Variants in C2orf76 observed in about 807,000 individuals in gnomAD.
C2orf76 encodes chromosome 2 open reading frame 76.
In C2orf76, 23 loss-of-function variants were observed where a neutral mutation model predicts 16.9. The observed-to-expected ratio is 1.36, with a 90% CI of 0.98 to 1.93. The LOEUF is 1.93. Ranked by LOEUF, C2orf76 falls within the 30% of genes most tolerant of loss-of-function variation. The pLI is 0.00. For missense variants in C2orf76, 152 were observed against 152.6 expected (o/e 1.00, Z 0.02); for synonymous variants, 48 against 52.3 (o/e 0.92, Z 0.35).
At chr2:119,288,250 G>A in the C2orf76 span, among the ~76,000 whole-genome samples, 286 of 149,706 alleles carry the variant, frequency 1.9e-3, 1 homozygote, top group Non-Finnish European at 2.8e-3. Flanking sequence ...TCCGCCTTCC[G>A]GGTTCCCGCC....
the C2orf76 span, among the ~76,000 whole-genome samples, chr2:119,289,207 G>A: frequency 1.3e-5 from 2 of 152,052 alleles, no homozygotes; most frequent in Non-Finnish European, 2.9e-5. Flanking sequence ...CCTTAAGGCT[G>A]CAGAATGTGC....
intron 2 of C2orf76, among the ~76,000 whole-genome samples, chr2:119,332,283 G>A (rs1287503446): frequency 6.7e-6 from 1 of 149,670 alleles, no homozygotes. Context: ...ACACCTAAAG[G>A]AAAAAAAAAA....
At chr2:119,289,642 T>C in the C2orf76 span, among the ~76,000 whole-genome samples, 5 of 150,292 alleles carry the variant, frequency 3.3e-5, no homozygotes, top group Admixed American at 2.7e-4. Context: ...GCCGAGATCG[T>C]ACCACTGCAC....
At chr2:119,309,032 G>A (rs1032605070) in intron 5 of C2orf76, among the ~76,000 whole-genome samples, 1 of 152,132 alleles carries the variant, frequency 6.6e-6, no homozygotes, top group Admixed American at 6.5e-5. Flanking sequence ...ACAGAATCAG[G>A]TTTTGGACCC....
chr2:119,348,547 G>A (rs963613563), intron 1 of C2orf76, among the ~76,000 whole-genome samples: 4 of 152,038 alleles, frequency 2.6e-5, no homozygotes, highest in Non-Finnish European at 4.4e-5. Flanking sequence ...TTAGCCAGGC[G>A]TGGTGGTGCG....
At chr2:119,363,341 G>A (rs952267003) in intron 1 of C2orf76, among the ~76,000 whole-genome samples, 21 of 151,036 alleles carry the variant, frequency 1.4e-4, no homozygotes, top group East Asian at 7.8e-4. Context: ...GGAGAATGGC[G>A]TGAACCCGGG....
At chr2:119,281,371 G>T in the C2orf76 span, among the ~76,000 whole-genome samples, 1 of 152,062 alleles carries the variant, frequency 6.6e-6, no homozygotes, top group East Asian at 1.9e-4. Flanking sequence ...GAGGATATGT[G>T]GTATTTGGTT....
At chr2:119,350,678 C>T (rs995882059) in intron 1 of C2orf76, among the ~76,000 whole-genome samples, 2 of 152,120 alleles carry the variant, frequency 1.3e-5, no homozygotes. Context: ...GCTTTGAGAC[C>T]CCATAGATGA....
the C2orf76 span, among the ~76,000 whole-genome samples, chr2:119,281,267 C>T: frequency 0.33 from 50,171 of 152,072 alleles, 8,533 homozygotes; most frequent in Non-Finnish European, 0.39. Flanking sequence ...GCTCCTCTCC[C>T]TCCTCCCAAC....
At chr2:119,366,336 C>G (rs977010778) in intron 1 of C2orf76, 2 of 438,202 alleles carry the variant, frequency 4.6e-6, no homozygotes, top group African/African-American at 2.1e-5. Context: ...AAATAAGACA[C>G]CGTCCCTGCC....
intron 2 of C2orf76, among the ~76,000 whole-genome samples, chr2:119,322,436 G>C (rs1371318691): frequency 6.6e-6 from 1 of 152,026 alleles, no homozygotes; most frequent in Non-Finnish European, 1.5e-5. Context: ...TCAAACTCCT[G>C]AACTTAAGCA....
At chr2:119,311,055 C>T in intron 5 of C2orf76, 5 of 620,672 alleles carry the variant, frequency 8.1e-6, no homozygotes, top group Non-Finnish European at 1.0e-5. Flanking sequence ...ATAACAGTGA[C>T]ATCTAATGGT....
intron 2 of C2orf76, among the ~76,000 whole-genome samples, chr2:119,339,380 T>G (rs1328423169): frequency 6.6e-6 from 1 of 152,180 alleles, no homozygotes; most frequent in East Asian, 1.9e-4. Flanking sequence ...TCTGTGTCTG[T>G]GACCACAATT....
At chr2:119,336,874 G>C (rs140132600) in intron 2 of C2orf76, among the ~76,000 whole-genome samples, 1 of 152,076 alleles carries the variant, frequency 6.6e-6, no homozygotes, top group East Asian at 1.9e-4. Context: ...TTTTGACACG[G>C]AGTCCATCCA....
At chr2:119,318,830 AT>A (rs1217814104) in intron 3 of C2orf76, among the ~76,000 whole-genome samples, 4 of 152,030 alleles carry the variant, frequency 2.6e-5, no homozygotes, top group Non-Finnish European at 5.9e-5. Context: ...TGGCCTTGTA[AT>A]TTTTTATACA....
intron 1 of C2orf76, among the ~76,000 whole-genome samples, chr2:119,350,080 C>G (rs1160073041): frequency 4.6e-5 from 6 of 129,534 alleles, no homozygotes; most frequent in South Asian, 2.9e-4. Flanking sequence ...CCCCCCGCCC[C>G]CCCACCGTCC....
intron 1 of C2orf76, among the ~76,000 whole-genome samples, chr2:119,357,507 C>T (rs999412335): frequency 4.6e-5 from 7 of 151,242 alleles, no homozygotes. Flanking sequence ...TCAATGGAGA[C>T]TCAACATCCA....
At chr2:119,281,503 T>C in the C2orf76 span, among the ~76,000 whole-genome samples, 32 of 133,002 alleles carry the variant, frequency 2.4e-4, no homozygotes, top group Non-Finnish European at 4.3e-4. Flanking sequence ...AGTGAGACCC[T>C]ACCACAAAGA....
intron 2 of C2orf76, among the ~76,000 whole-genome samples, chr2:119,330,964 C>T (rs778450907): frequency 1.3e-4 from 20 of 152,262 alleles, no homozygotes; most frequent in Middle Eastern, 3.4e-3. Context: ...TCATAATTAT[C>T]TCCATCATCT....
Sources: allele counts gnomAD v4.1 joint callset (sites outside exome capture counted in the v4.1 genomes callset), GRCh38; gene constraint gnomAD v4.1.1; transcripts MANE v1.5; gene names NCBI Gene and HGNC (gene_info 2026-07-23, HGNC 2026-07-21).